PTCD1: variants seen among roughly 807,000 people sequenced by gnomAD.
PTCD1 encodes the protein pentatricopeptide repeat domain 1.
In PTCD1, 50 loss-of-function variants were observed where a neutral mutation model predicts 53.4. The ratio of observed to expected loss-of-function variants is 0.94; its 90% CI spans 0.75 to 1.19. The LOEUF (loss-of-function observed/expected upper bound fraction) is 1.19. Among genes scored for constraint, PTCD1 ranks in the 50% most tolerant of loss-of-function variants. The pLI, the probability that PTCD1 is intolerant of heterozygous loss-of-function variation, is 0.00. For synonymous variants in PTCD1, 413 were observed against 394.8 expected, an observed-to-expected ratio of 1.05 and a Z score of -0.55; for missense variants, 918 against 904.8, an observed-to-expected ratio of 1.01 and a Z score of -0.19.
chr7:99,428,443 G>C (rs1415989322), intron 5 of PTCD1, among the ~76,000 whole-genome samples: 1 of 147,094 alleles, frequency 6.8e-6, no homozygotes, highest in African/African-American at 2.5e-5. Context: ...AAAAGAAAAA[G>C]AAAAAAAAAG....
At chr7:99,422,987 G>A (rs971335535) in intron 7 of PTCD1, among the ~76,000 whole-genome samples, 2 of 151,634 alleles carry the variant, frequency 1.3e-5, no homozygotes, top group East Asian at 1.9e-4. Context: ...CTCTCTGCAA[G>A]GAGAGAGCTC....
intron 1 of PTCD1, among the ~76,000 whole-genome samples, chr7:99,437,268 G>A (rs1219829158): frequency 2.6e-5 from 4 of 151,696 alleles, no homozygotes; most frequent in Non-Finnish European, 5.9e-5. Context: ...TACTAGTATA[G>A]ATGCTTATTT....
chr7:99,429,519 C>T, intron 4 of PTCD1, 69 bp downstream of exon 4: 1 of 1,608,508 alleles, frequency 6.2e-7, no homozygotes. Context: ...GAGACAGACA[C>T]CACAGCCCTG....
At chr7:99,430,294 T>G (rs1166304621) in intron 3 of PTCD1, among the ~76,000 whole-genome samples, 1 of 152,166 alleles carries the variant, frequency 6.6e-6, no homozygotes, top group African/African-American at 2.4e-5. Context: ...CAATGCACAT[T>G]CTCAGGGCCA....
chr7:99,429,790 A>G lies in PTCD1; in HGVS notation c.611T>C (p.Leu204Pro), dbSNP rs1796190159. The change falls in exon 4 of 8, where the codon CTG (leucine) becomes CCG (proline). Residue 204 changes from leucine (L) to proline (P), a missense_variant. Physicochemically the swap from Leu to Pro is moderately conservative, Grantham distance 98. Coordinates refer to ENST00000292478, the MANE Select transcript of PTCD1 (RefSeq NM_015545.4). ...NLYNQMKKRD[L>P]EPSDATYTAL... ...CGTGTAGGTGGCGTCCGAGGGCTCC[A>G]GGTCCCGCTTTTTCATCTGTGGAGA... The G allele has an allele frequency of 6.2e-7, 1 of 1,614,118 alleles. No homozygotes were observed. Among genetic ancestry groups the G allele is most frequent in the Non-Finnish European group, 8.5e-7 (1 of 1,180,036 alleles).
intron 2 of PTCD1, 55 bp from the exon 3 acceptor site, chr7:99,433,473 CAG>C (rs1282562034): frequency 1.1e-5 from 18 of 1,612,956 alleles, no homozygotes; most frequent in Admixed American, 5.0e-5. Context: ...AGACCCTCAG[CAG>C]AGAGAGGGAG....
rs754618169 is a variant in PTCD1, at chr7:99,419,329, T to C, written c.*638A>G. 2.9e-5 allele frequency: 46 copies of C among 1,588,816 alleles called. No homozygotes were observed. The East Asian group carries it at 9.6e-4, about 33-fold the overall frequency. ...TCCTTCGTGGGAGGGTTGCCACATA[T>C]GTGAGTGTGCAGGGGCGAGCGTGGC... On this transcript the variant is annotated 3_prime_UTR_variant, in exon 8 of 8. Transcript: ENST00000292478.
At chr7:99,435,301 C>T in intron 1 of PTCD1, 33 bp from the exon 2 acceptor site, 1 of 1,598,440 alleles carries the variant, frequency 6.3e-7, no homozygotes, top group Non-Finnish European at 8.5e-7. Context: ...AGAGAGTCAA[C>T]TCAGTTCCTA....
chr7:99,422,483 C>T (rs1795861159), intron 7 of PTCD1, among the ~76,000 whole-genome samples: 1 of 152,228 alleles, frequency 6.6e-6, no homozygotes, highest in African/African-American at 2.4e-5. Context: ...GATTCCATGA[C>T]TCTGCCCTGC....
rs745528564 is a variant in PTCD1 at position 99,429,645 on chromosome 7, C to T, written c.756G>A (p.Ala252=). 2.1e-5 allele frequency: 34 copies of T among 1,614,066 alleles called. No individual in the cohort carries two copies. In the Admixed American group the frequency reaches 2.3e-4, roughly 11 times the overall value. Reference sequence around the variant, plus strand: ...CGCACTTGGCAGCCATCTTCAGCAGCGCGTGGTATGTTTTCAAGTTGAGCT... The same window carrying T: ...CGCACTTGGCAGCCATCTTCAGCAGTGCGTGGTATGTTTTCAAGTTGAGCT... ...NFELNLKTYH[A]LLKMAAKCAD... is the part of the protein sequence containing the mutation. The change falls in exon 4 of 8, where the codon GCG becomes GCA. Residue 252 remains alanine (A), a synonymous_variant. Coordinates refer to ENST00000292478, the MANE Select transcript of PTCD1 (RefSeq NM_015545.4).
Position 99,435,108 on chromosome 7 carries a change from G to A in PTCD1, c.135C>T (p.Pro45=), listed in dbSNP as rs760722057. The A allele has an allele frequency of 8.7e-6, 14 of 1,605,778 alleles. No individual in the cohort carries two copies. The highest frequency in any genetic ancestry group is 4.0e-5 in the African/African-American group (3 of 74,822). Residue 45 remains proline, a synonymous_variant, in exon 2 of 8, where the codon CCC becomes CCT. Coordinates refer to ENST00000292478, the MANE Select transcript of PTCD1 (RefSeq NM_015545.4). ...REGLMRPMWA[P]FSSSSSQLPL... ...GCAGCTGAGAGGAGGAGCTGCTGAA[G>A]GGCGCCCACATTGGCCGCATCAGCC... is the stretch of plus-strand genomic sequence containing the variant.
intron 1 of PTCD1, among the ~76,000 whole-genome samples, chr7:99,438,036 C>T (rs920308682): frequency 6.6e-6 from 1 of 152,156 alleles, no homozygotes; most frequent in African/African-American, 2.4e-5. Context: ...AAGGCTGCTC[C>T]AGCAATCAGG....
intron 6 of PTCD1, 64 bp downstream of exon 6, chr7:99,424,731 C>T (rs1795951446): frequency 1.9e-6 from 3 of 1,593,642 alleles, no homozygotes; most frequent in East Asian, 2.3e-5. Flanking sequence ...CTCAAACTTT[C>T]CTCCTGAGCT....
intron 6 of PTCD1, among the ~76,000 whole-genome samples, chr7:99,424,432 G>A (rs1404246520): frequency 2.6e-5 from 4 of 152,206 alleles, no homozygotes; most frequent in African/African-American, 9.6e-5. Context: ...GGGGTTAGGT[G>A]GGAGGCACAG....
At chr7:99,431,813 A>C (rs989508154) in intron 3 of PTCD1, among the ~76,000 whole-genome samples, 2 of 152,240 alleles carry the variant, frequency 1.3e-5, no homozygotes, top group South Asian at 2.1e-4. Context: ...AGAAGTAGAC[A>C]CAAGAAACTC....
In PTCD1 at chr7:99,417,546, A is replaced by G. The variant is rs1463205199; in HGVS notation, c.*2421T>C. ...CGGTGCATTCAGACACGGGACACCAACTTCGGGACGAACTGCATCTGCCGC... is the reference window on the plus strand; with the variant it reads ...CGGTGCATTCAGACACGGGACACCAGCTTCGGGACGAACTGCATCTGCCGC... On this transcript the variant is annotated 3_prime_UTR_variant, in exon 8 of 8. Coordinates refer to ENST00000292478, the MANE Select transcript of PTCD1 (RefSeq NM_015545.4). 19 of 1,612,062 alleles carry G rather than the reference A, an allele frequency of 1.2e-5. No individual in the cohort carries two copies. Among genetic ancestry groups the G allele is most frequent in the South Asian group, 4.4e-5 (4 of 91,040 alleles).
At chr7:99,429,439 C>T in intron 4 of PTCD1, 149 bp downstream of exon 4, 2 of 1,267,960 alleles carry the variant, frequency 1.6e-6, no homozygotes, top group Non-Finnish European at 2.2e-6. Context: ...AAGGTCTCAT[C>T]AGATCCATCT....
Position 99,425,311 on chromosome 7 carries a change from G to GGGCACTCTGGCTTCCGGA in PTCD1, c.1203_1220dup (p.Pro402_Pro407dup), listed in dbSNP as rs745604754. 1 of 1,614,146 alleles carries GGGCACTCTGGCTTCCGGA rather than the reference G, an allele frequency of 6.2e-7. No homozygotes were observed. The highest frequency in any genetic ancestry group is 8.5e-7 in the Non-Finnish European group (1 of 1,180,024). On this transcript the variant is annotated inframe_insertion, in exon 6 of 8. Transcript: ENST00000292478. Reference sequence around the variant, plus strand: ...TATCCACCTCTGGTTGGGCCTTGCCGGGCACTCTGGCTTCCGGAGGCTCTG... The same window carrying GGGCACTCTGGCTTCCGGA: ...TATCCACCTCTGGTTGGGCCTTGCCGGGCACTCTGGCTTCCGGAGGCACTCTGGCTTCCGGAGGCTCTG...
chr7:99,421,245 GT>G lies in PTCD1; in HGVS notation c.1921-1097del, dbSNP rs1417032477. 2.0e-5 allele frequency among the ~76,000 whole-genome samples: 3 copies of G among 152,000 alleles called. No homozygotes were observed. In the East Asian group the frequency reaches 5.8e-4, roughly 29 times the overall value. Reference sequence around the variant, plus strand: ...ACATGAGCTCAGGAGTTCCAGACCAGTTTGGGCAATATAGTGAAACCCTATC... The same window carrying G: ...ACATGAGCTCAGGAGTTCCAGACCAGTTGGGCAATATAGTGAAACCCTATC... On this transcript the variant is annotated intron_variant, in intron 7 of 7. Coordinates refer to ENST00000292478, the MANE Select transcript of PTCD1 (RefSeq NM_015545.4).
Sources: gnomAD v4.1 joint callset for allele counts (sites outside exome capture counted in the v4.1 genomes callset) on GRCh38, gnomAD v4.1.1 for gene constraint, MANE v1.5 for transcripts, NCBI Gene and HGNC (gene_info 2026-07-23, HGNC 2026-07-21) for gene names.